EPHA5: variants seen among roughly 807,000 people sequenced by gnomAD.
EPHA5 encodes the protein EPH receptor A5.
Under a neutral mutation model 105.0 loss-of-function variants are expected in EPHA5, and 60 were observed. The ratio of observed to expected loss-of-function variants is 0.57; its 90% confidence interval spans 0.46 to 0.71. The LOEUF (loss-of-function observed/expected upper bound fraction) is 0.71, where lower values mean the gene tolerates loss of function less well. EPHA5 is among the 30% of genes least tolerant of loss of function. EPHA5 has a pLI of 0.00. For missense variants in EPHA5, 1,218 were observed against 1,274.7 expected (o/e 0.96, Z 0.68); for synonymous variants, 513 against 449.1 (o/e 1.14, Z -1.80).
At chr4:65,549,904 T>C (rs1432738503) in intron 3 of EPHA5, among the ~76,000 whole-genome samples, 3 of 152,094 alleles carry the variant, frequency 2.0e-5, no homozygotes, top group Non-Finnish European at 2.9e-5. Context: ...TCTCCCAAAC[T>C]ATCTTTGAAT....
intron 3 of EPHA5, among the ~76,000 whole-genome samples, chr4:65,557,233 G>GTTATATATATATATATATAT (rs10522577): frequency 1.1e-5 from 1 of 90,944 alleles, no homozygotes; most frequent in African/African-American, 4.4e-5. Flanking sequence ...TTTATACTGG[G>GTTATATATATATATATATAT]ATATATATAT....
chr4:65,368,939 G>C (rs913062659), intron 8 of EPHA5, among the ~76,000 whole-genome samples: 1 of 151,986 alleles, frequency 6.6e-6, no homozygotes, highest in East Asian at 1.9e-4. Flanking sequence ...CCTTCTTCAC[G>C]TTTTTCCCAA....
chr4:65,468,485 T>TG (rs1178829176), intron 5 of EPHA5, among the ~76,000 whole-genome samples: 1 of 144,266 alleles, frequency 6.9e-6, no homozygotes, highest in African/African-American at 2.6e-5. Context: ...TACACACATA[T>TG]GGTATGTATA....
chr4:65,503,823 A>T (rs62299208), intron 3 of EPHA5, among the ~76,000 whole-genome samples: 34,070 of 151,260 alleles, frequency 0.23, 4,041 homozygotes, highest in Middle Eastern at 0.33. Flanking sequence ...TTAGAAACAC[A>T]CTAATTGCTT....
chr4:65,451,008 C>T (rs1021744589), intron 5 of EPHA5, among the ~76,000 whole-genome samples: 4 of 152,244 alleles, frequency 2.6e-5, no homozygotes, highest in African/African-American at 9.6e-5. Context: ...ATTCTTGGAA[C>T]TTGAACAGGA....
At chr4:65,521,309 G>A (rs895464324) in intron 3 of EPHA5, among the ~76,000 whole-genome samples, 1 of 152,052 alleles carries the variant, frequency 6.6e-6, no homozygotes, top group African/African-American at 2.4e-5. Flanking sequence ...TCACTCATAG[G>A]TGGGAATTGA....
intron 3 of EPHA5, among the ~76,000 whole-genome samples, chr4:65,527,676 C>T (rs911928314): frequency 1.3e-5 from 2 of 151,970 alleles, no homozygotes; most frequent in African/African-American, 4.8e-5. Context: ...TTCTGGGTAT[C>T]TTTATTAATA....
In EPHA5 at chr4:65,367,232, CT is replaced by C. The variant is rs1282063689; in HGVS notation, c.1861+124del. The C allele has an allele frequency of 5.4e-4, 436 of 813,282 alleles. 1 individual carries two copies. The highest frequency in any genetic ancestry group is 3.4e-3 in the African/African-American group (178 of 52,166). The allele number at this position is 813,282 out of a possible 1,614,324, so 50.4% of individuals were successfully genotyped here. A position where few individuals can be genotyped will look rare whatever the true frequency, so the allele number is the denominator to read the frequency against. On this transcript the variant is annotated intron_variant, in intron 9 of 16. Coordinates refer to ENST00000613740, the MANE Select transcript of EPHA5 (RefSeq NM_001281766.3). Reference sequence around the variant, plus strand: ...TTACAGGAATGTAACAAATAGAACACTTTTAAAAAAAAAAAAAACAATATTT... The same window carrying C: ...TTACAGGAATGTAACAAATAGAACACTTTAAAAAAAAAAAAAACAATATTT...
At chr4:65,503,475 A>T (rs1732695591) in intron 3 of EPHA5, among the ~76,000 whole-genome samples, 1 of 151,844 alleles carries the variant, frequency 6.6e-6, no homozygotes, top group Non-Finnish European at 1.5e-5. Flanking sequence ...AGTTTAAATG[A>T]TTGAAAACAA....
chr4:65,565,764 T>C (rs1295047146), intron 3 of EPHA5, among the ~76,000 whole-genome samples: 1 of 151,474 alleles, frequency 6.6e-6, no homozygotes, highest in Non-Finnish European at 1.5e-5. Flanking sequence ...GAAATATATA[T>C]GTGGCAGTTA....
At chr4:65,536,824 T>C (rs1736337558) in intron 3 of EPHA5, among the ~76,000 whole-genome samples, 1 of 151,672 alleles carries the variant, frequency 6.6e-6, no homozygotes, top group African/African-American at 2.4e-5. Flanking sequence ...TACATTTAGA[T>C]GTCAGTTTAA....
chr4:65,570,455 TC>T (rs1406279844), intron 3 of EPHA5, among the ~76,000 whole-genome samples: 7 of 150,654 alleles, frequency 4.6e-5, no homozygotes, highest in Non-Finnish European at 1.0e-4. Context: ...CTTCCCCACC[TC>T]CCCCCACTCT....
At chr4:65,525,242 A>G (rs1042657685) in intron 3 of EPHA5, among the ~76,000 whole-genome samples, 1 of 151,726 alleles carries the variant, frequency 6.6e-6, no homozygotes, top group Non-Finnish European at 1.5e-5. Context: ...AAATACTATA[A>G]TTTATTTTTA....
intron 5 of EPHA5, among the ~76,000 whole-genome samples, chr4:65,456,194 C>T (rs1243711772): frequency 6.6e-6 from 1 of 152,160 alleles, no homozygotes; most frequent in South Asian, 2.1e-4. Context: ...CTCTGCTAGC[C>T]TGTCAGTGGA....
intron 3 of EPHA5, among the ~76,000 whole-genome samples, chr4:65,571,707 A>G (rs1404067324): frequency 1.3e-5 from 2 of 152,062 alleles, no homozygotes; most frequent in Non-Finnish European, 2.9e-5. Context: ...TTCAATAAAA[A>G]TATGTATTTT....
At chr4:65,642,472 TA>T (rs1747751650) in intron 2 of EPHA5, among the ~76,000 whole-genome samples, 1 of 152,048 alleles carries the variant, frequency 6.6e-6, no homozygotes, top group South Asian at 2.1e-4. Flanking sequence ...TCTATTATCT[TA>T]AAAATCTAGT....
chr4:65,575,838 G>A (rs1339158543), intron 3 of EPHA5, among the ~76,000 whole-genome samples: 6 of 151,358 alleles, frequency 4.0e-5, no homozygotes, highest in Admixed American at 6.6e-5. Flanking sequence ...TTAGGCAGGC[G>A]TAGTGATGGG....
Position 65,384,041 on chromosome 4 carries a change from AG to A in EPHA5, c.1794-16618del, listed in dbSNP as rs568786572. Among the ~76,000 whole-genome samples the A allele has an allele frequency of 1.1e-3, 166 of 152,010 alleles. 1 individual carries two copies. The highest frequency in any genetic ancestry group is 3.7e-3 in the African/African-American group (152 of 41,536). Reference sequence around the variant, plus strand: ...TTTTTCAAAAATCGGTTTGTATACGAGAAAGTTCCTGCCATTAATGAGTCAG... The same window carrying A: ...TTTTTCAAAAATCGGTTTGTATACGAAAAGTTCCTGCCATTAATGAGTCAG... On this transcript the variant is annotated intron_variant, in intron 8 of 16. Transcript: ENST00000613740.
intron 3 of EPHA5, among the ~76,000 whole-genome samples, chr4:65,583,226 A>C (rs1053441716): frequency 8.6e-5 from 13 of 151,674 alleles, no homozygotes; most frequent in East Asian, 3.9e-4. Flanking sequence ...AGAAAATTAT[A>C]AAATCAACAT....
Sources: allele counts gnomAD v4.1 joint callset (sites outside exome capture counted in the v4.1 genomes callset), GRCh38; gene constraint gnomAD v4.1.1; transcripts MANE v1.5; gene names NCBI Gene and HGNC (gene_info 2026-07-23, HGNC 2026-07-21).